TEX9: variants seen among roughly 807,000 people sequenced by gnomAD.
The protein encoded by TEX9 is testis expressed 9, also known as testis-expressed protein 9.
A neutral mutation model predicts 59.6 loss-of-function variants in TEX9; 74 were observed. The ratio of observed to expected loss-of-function variants is 1.24; its 90% CI spans 1.03 to 1.51. The LOEUF (loss-of-function observed/expected upper bound fraction) is 1.51, where lower values mean the gene tolerates loss of function less well. TEX9 is among the 40% of genes most tolerant of loss of function. The pLI, the probability that TEX9 is intolerant of heterozygous loss-of-function variation, is 0.00. For missense variants in TEX9, 522 were observed against 447.8 expected, an observed-to-expected ratio of 1.17 and a Z score of -1.49; for synonymous variants, 186 against 152.2, an observed-to-expected ratio of 1.22 and a Z score of -1.64.
At chr15:56,434,323 C>T (rs759787833) in intron 12 of TEX9, 1 of 1,613,590 alleles carries the variant, frequency 6.2e-7, no homozygotes, top group African/African-American at 1.3e-5. Context: ...AGCACTAATT[C>T]CTTCAAGGCC....
chr15:56,317,862 G>T (rs2045813155), intron 1 of TEX9, among the ~76,000 whole-genome samples: 2 of 151,866 alleles, frequency 1.3e-5, no homozygotes, highest in South Asian at 2.1e-4. Flanking sequence ...TTCAATTTTT[G>T]TTGGAGGGCA....
At chr15:56,289,941 C>T (rs977879552) in intron 1 of TEX9, among the ~76,000 whole-genome samples, 12 of 152,198 alleles carry the variant, frequency 7.9e-5, no homozygotes, top group Non-Finnish European at 1.8e-4. Flanking sequence ...TGGCATCAGG[C>T]TGATGTCTAG....
chr15:56,309,087 A>G (rs2045545746), intron 1 of TEX9, among the ~76,000 whole-genome samples: 1 of 152,206 alleles, frequency 6.6e-6, no homozygotes, highest in Non-Finnish European at 1.5e-5. Context: ...AAAACATGCT[A>G]GCTGGAATTC....
chr15:56,316,151 C>A (rs1377220441), intron 1 of TEX9, among the ~76,000 whole-genome samples: 1 of 145,478 alleles, frequency 6.9e-6, no homozygotes, highest in African/African-American at 2.5e-5. Context: ...TCTCTCAGCT[C>A]GTCAAAGTCA....
In TEX9 at chr15:56,401,291, A is replaced by G. The variant is rs181882748; in HGVS notation, c.828+6457A>G. ...AAAATAAAGGGATGGAGGAAGACCT[A>G]CCAAGCAAATTGAAAGCAAAAAAAA... On this transcript the variant is annotated intron_variant, in intron 9 of 12. Transcript: ENST00000352903. 4.2e-3 allele frequency among the ~76,000 whole-genome samples: 520 copies of G among 124,504 alleles called. 4 individuals are homozygous for G. The highest frequency in any genetic ancestry group is 0.015 in the African/African-American group (495 of 32,910). The allele number at this position is 124,504 out of a possible 152,430, so 81.7% of individuals were successfully genotyped here.
At chr15:56,307,226 A>G (rs1316507501) in intron 1 of TEX9, among the ~76,000 whole-genome samples, 3 of 152,212 alleles carry the variant, frequency 2.0e-5, no homozygotes, top group Non-Finnish European at 4.4e-5. Flanking sequence ...TCCACATCAC[A>G]GGCCACTGGT....
intron 1 of TEX9, among the ~76,000 whole-genome samples, chr15:56,266,926 G>A (rs1326492691): frequency 6.6e-6 from 1 of 152,156 alleles, no homozygotes; most frequent in Non-Finnish European, 1.5e-5. Context: ...GGTTGAACTA[G>A]TTTACAGTCC....
intron 1 of TEX9, among the ~76,000 whole-genome samples, chr15:56,270,912 A>G (rs2044513379): frequency 6.6e-6 from 1 of 152,234 alleles, no homozygotes; most frequent in South Asian, 2.1e-4. Flanking sequence ...TTGGCTGGAT[A>G]TGAAATTCTG....
intron 12 of TEX9, chr15:56,429,347 C>A (rs1353841351): frequency 6.5e-5 from 37 of 566,796 alleles, no homozygotes; most frequent in Non-Finnish European, 4.8e-5. Context: ...CAATACTTTT[C>A]AAAAAATAAG....
At chr15:56,358,966 C>G (rs2046741219) in intron 1 of TEX9, among the ~76,000 whole-genome samples, 1 of 152,164 alleles carries the variant, frequency 6.6e-6, no homozygotes, top group African/African-American at 2.4e-5. Flanking sequence ...CCTCCCCAGC[C>G]ATGCAGAACT....
In TEX9 at chr15:56,395,503, G is replaced by T. The variant is rs1238399728; in HGVS notation, c.828+669G>T. On this transcript the variant is annotated intron_variant, in intron 9 of 12. Transcript: ENST00000352903. ...TGGTTATATAGCCAGGAATGGAATT[G>T]CTGGGTCATATGGAAATCCTATGTT... The T allele has an allele frequency of 2.0e-5, 3 of 152,140 alleles. No homozygotes were observed. In the East Asian group the frequency reaches 5.8e-4, roughly 29 times the overall value. The allele number at this position is 152,140 out of a possible 1,614,324, so 9.4% of individuals were successfully genotyped here.
chr15:56,317,124 G>C (rs140595141), intron 1 of TEX9, among the ~76,000 whole-genome samples: 5 of 152,184 alleles, frequency 3.3e-5, no homozygotes, highest in African/African-American at 9.7e-5. Flanking sequence ...CGTCGCTCAC[G>C]CTGGGAGCTG....
At chr15:56,338,345 C>T (rs551386163) in intron 1 of TEX9, among the ~76,000 whole-genome samples, 3 of 152,184 alleles carry the variant, frequency 2.0e-5, no homozygotes, top group Non-Finnish European at 2.9e-5. Flanking sequence ...GGGTAATTCC[C>T]CATCCTCACA....
At chr15:56,286,352 G>A (rs1343191253) in intron 1 of TEX9, among the ~76,000 whole-genome samples, 1 of 152,180 alleles carries the variant, frequency 6.6e-6, no homozygotes, top group Non-Finnish European at 1.5e-5. Flanking sequence ...TTCTTAGACT[G>A]AGGATAGGCG....
chr15:56,280,790 A>C (rs775029598), intron 1 of TEX9, among the ~76,000 whole-genome samples: 22 of 152,214 alleles, frequency 1.4e-4, no homozygotes, highest in Admixed American at 5.9e-4. Flanking sequence ...TTCTCAAGCC[A>C]GATTTTATGC....
intron 12 of TEX9, chr15:56,429,429 T>C (rs1567144553): frequency 2.7e-6 from 1 of 372,250 alleles, no homozygotes; most frequent in Non-Finnish European, 4.7e-6. Context: ...GTAGGAGCTT[T>C]TCATAGGAAT....
chr15:56,444,741 C>T, intron 12 of TEX9: 1 of 1,254,462 alleles, frequency 8.0e-7, no homozygotes, highest in Non-Finnish European at 1.1e-6. Context: ...ATATTTTACA[C>T]CAATGTTATT....
At chr15:56,326,704 G>C (rs560016232) in intron 1 of TEX9, among the ~76,000 whole-genome samples, 1 of 152,150 alleles carries the variant, frequency 6.6e-6, no homozygotes, top group Non-Finnish European at 1.5e-5. Flanking sequence ...AAATCTCATG[G>C]AGAAACGCTG....
intron 3 of TEX9, among the ~76,000 whole-genome samples, chr15:56,377,162 A>G (rs1262163723): frequency 6.6e-6 from 1 of 152,124 alleles, no homozygotes; most frequent in African/African-American, 2.4e-5. Context: ...CTATAGCACC[A>G]TAGTATAATT....
Sources: allele counts gnomAD v4.1 joint callset (sites outside exome capture counted in the v4.1 genomes callset), GRCh38; gene constraint gnomAD v4.1.1; transcripts MANE v1.5; gene names NCBI Gene and HGNC (gene_info 2026-07-23, HGNC 2026-07-21).